The following COBL variants were observed in gnomAD, a reference collection of about 807,000 sequenced individuals.
COBL encodes cordon-bleu WH2 repeat protein.
A neutral mutation model predicts 98.8 loss-of-function variants in COBL; 51 were observed. That is an observed-to-expected ratio of 0.52 (90% CI 0.41 to 0.65). COBL has a LOEUF of 0.65. Among genes scored for constraint, COBL ranks in the 30% least tolerant of loss-of-function variants. The probability of loss-of-function intolerance (pLI) is 0.00; values close to 1 mark genes in which losing one functional copy is unlikely to be tolerated. For synonymous variants in COBL, 634 were observed against 651.7 expected, an observed-to-expected ratio of 0.97 and a Z score of 0.41; for missense variants, 1,617 against 1,617.5, an observed-to-expected ratio of 1.00 and a Z score of 0.01.
chr7:51,147,814 G>A (rs1045362250), intron 5 of COBL, among the ~76,000 whole-genome samples: 28 of 151,084 alleles, frequency 1.9e-4, no homozygotes, highest in African/African-American at 5.1e-4. Flanking sequence ...GCAGTGGCGC[G>A]ATCTCGGCTC....
chr7:51,062,876 AC>A (rs1338900106), intron 7 of COBL, among the ~76,000 whole-genome samples: 1 of 152,158 alleles, frequency 6.6e-6, no homozygotes, highest in African/African-American at 2.4e-5. Flanking sequence ...GCGCTGGGGC[AC>A]ACACAGGAGC....
At chr7:51,168,835 A>G (rs1787583184) in intron 5 of COBL, among the ~76,000 whole-genome samples, 3 of 152,242 alleles carry the variant, frequency 2.0e-5, no homozygotes. Context: ...TTGTTGCAGC[A>G]CTGTTCACAA....
At chr7:51,042,246 CAAGAA>C (rs1316624607) in intron 8 of COBL, among the ~76,000 whole-genome samples, 1 of 151,944 alleles carries the variant, frequency 6.6e-6, no homozygotes, top group African/African-American at 2.4e-5. Context: ...AATCATTGTA[CAAGAA>C]AAGAAAACAT....
At chr7:51,301,998 G>T (rs1472597474) in intron 1 of COBL, among the ~76,000 whole-genome samples, 1 of 152,056 alleles carries the variant, frequency 6.6e-6, no homozygotes, top group Non-Finnish European at 1.5e-5. Flanking sequence ...CAGAGCCAGG[G>T]GCCTCTCCCC....
chr7:51,276,509 T>C (rs557352078), intron 1 of COBL, among the ~76,000 whole-genome samples: 1 of 152,368 alleles, frequency 6.6e-6, no homozygotes, highest in South Asian at 2.1e-4. Context: ...TTTCAGGCTT[T>C]TCCTTCCCCT....
intron 6 of COBL, among the ~76,000 whole-genome samples, chr7:51,094,045 C>T (rs993219323): frequency 3.3e-5 from 5 of 150,922 alleles, no homozygotes; most frequent in African/African-American, 4.9e-5. Flanking sequence ...CAATACACAG[C>T]CTTTAAAAAG....
At chr7:51,081,296 AG>A (rs940842537) in intron 7 of COBL, among the ~76,000 whole-genome samples, 2 of 152,172 alleles carry the variant, frequency 1.3e-5, no homozygotes, top group Non-Finnish European at 2.9e-5. Flanking sequence ...TATGACGCTG[AG>A]GGCAAAGGAA....
At chr7:51,093,460 A>T (rs1288281382) in intron 6 of COBL, among the ~76,000 whole-genome samples, 1 of 152,338 alleles carries the variant, frequency 6.6e-6, no homozygotes, top group East Asian at 1.9e-4. Flanking sequence ...AAAACTAAAA[A>T]TAGAACTACC....
At chr7:51,103,350 G>A (rs1027075146) in intron 6 of COBL, among the ~76,000 whole-genome samples, 2 of 152,094 alleles carry the variant, frequency 1.3e-5, no homozygotes, top group Non-Finnish European at 2.9e-5. Flanking sequence ...CTACTGTGGT[G>A]TCCATGTGCT....
At position 51,190,836 on chromosome 7, in the gene COBL, C is replaced by T; in HGVS notation, c.685+14G>A. 2 of 1,608,658 alleles carry T rather than the reference C, an allele frequency of 1.2e-6. No individual in the cohort carries two copies. The highest frequency in any genetic ancestry group is 1.7e-6 in the Non-Finnish European group (2 of 1,175,618). ...TGATTATGGGCAGGTGCGTGAGACG[C>T]AGCGGGGCCTCACCTCTTCTGTTGT... On this transcript the variant is annotated intron_variant, in intron 4 of 12. Transcript: ENST00000265136.
rs113055001 is a variant in COBL, at chr7:51,238,591, G to A, written c.42-18647C>T. 6.7e-3 allele frequency among the ~76,000 whole-genome samples: 1,017 copies of A among 152,248 alleles called. 7 individuals are homozygous for A. Among genetic ancestry groups the A allele is most frequent in the Middle Eastern group, 0.02 (6 of 294 alleles). ...TTGAATAGGGGATGGGTAAAATAAG[G>A]CTGTGTCTTTTCTTATGTTAAAGCA... is the stretch of plus-strand genomic sequence containing the variant. On this transcript the variant is annotated intron_variant, in intron 1 of 12. Coordinates refer to ENST00000265136, the MANE Select transcript of COBL (RefSeq NM_015198.5).
intron 7 of COBL, among the ~76,000 whole-genome samples, chr7:51,055,040 G>A (rs994495067): frequency 4.6e-5 from 7 of 152,158 alleles, no homozygotes; most frequent in Admixed American, 2.0e-4. Flanking sequence ...AGGAGCCAAG[G>A]GAGCAGGTTC....
intron 7 of COBL, among the ~76,000 whole-genome samples, chr7:51,055,901 TA>T (rs1790703763): frequency 2.6e-5 from 4 of 152,254 alleles, no homozygotes; most frequent in Admixed American, 2.0e-4. Flanking sequence ...CGACCAGTTT[TA>T]AAAAGTCACA....
intron 12 of COBL, among the ~76,000 whole-genome samples, chr7:51,018,891 C>T (rs1443971885): frequency 1.5e-4 from 1 of 6,832 alleles, no homozygotes; most frequent in Non-Finnish European, 2.8e-4. Flanking sequence ...AACTCCATCT[C>T]AAAAAAAAAA....
intron 6 of COBL, among the ~76,000 whole-genome samples, chr7:51,108,201 C>A (rs150329007): frequency 0.011 from 1,618 of 152,276 alleles, 29 homozygotes; most frequent in African/African-American, 0.036. Context: ...TGATTCCCCA[C>A]CCTCTCCTGA....
chr7:51,067,826 CTCTG>C lies in COBL; in HGVS notation c.1096+17336_1096+17339del, dbSNP rs141831431. 5.0e-3 allele frequency among the ~76,000 whole-genome samples: 756 copies of C among 152,362 alleles called. 5 individuals are homozygous for C. The highest frequency in any genetic ancestry group is 0.017 in the African/African-American group (695 of 41,598). On this transcript the variant is annotated intron_variant, in intron 7 of 12. Transcript: ENST00000265136. ...GTATGTTTCTTTCCATTCTCTTCAA[CTCTG>C]TCTATCAATGGGATAATCAGGGTTC...
At chr7:51,043,910 A>C (rs2128889715) in intron 7 of COBL, among the ~76,000 whole-genome samples, 1 of 152,364 alleles carries the variant, frequency 6.6e-6, no homozygotes, top group African/African-American at 2.4e-5. Context: ...TTTTCCCTCA[A>C]AAATCAGTAT....
intron 5 of COBL, among the ~76,000 whole-genome samples, chr7:51,169,640 C>A (rs945914828): frequency 1.3e-5 from 2 of 152,060 alleles, no homozygotes; most frequent in African/African-American, 4.8e-5. Context: ...TTTGTGAGAT[C>A]TGAAAGTCAA....
intron 7 of COBL, among the ~76,000 whole-genome samples, chr7:51,049,425 C>T (rs1437235315): frequency 1.3e-5 from 2 of 152,102 alleles, no homozygotes; most frequent in Non-Finnish European, 1.5e-5. Context: ...TTCTCAGGCA[C>T]ATGAATTCCA....
Sources: allele counts gnomAD v4.1 joint callset (sites outside exome capture counted in the v4.1 genomes callset), GRCh38; gene constraint gnomAD v4.1.1; transcripts MANE v1.5; gene names NCBI Gene and HGNC (gene_info 2026-07-23, HGNC 2026-07-21).